Variants in CABP7 observed in about 807,000 individuals in gnomAD.
CABP7 encodes calcium-binding protein 7.
Under a neutral mutation model 23.1 loss-of-function variants are expected in CABP7, and 13 were observed. The observed-to-expected ratio is 0.56, with a 90% CI of 0.37 to 0.90. The LOEUF is 0.90. Ranked by LOEUF, CABP7 falls within the 40% of genes least tolerant of loss-of-function variation. CABP7 has a pLI of 0.01. For missense variants in CABP7, 248 were observed against 295.6 expected (o/e 0.84, Z 1.18); for synonymous variants, 123 against 115.3 (o/e 1.07, Z -0.43).
At position 29,720,088 on chromosome 22, in the gene CABP7, G is replaced by C. The variant is rs1569328704; in HGVS notation, c.-337G>C. On this transcript the variant is annotated 5_prime_UTR_variant, in exon 1 of 5. Coordinates refer to ENST00000216144, the MANE Select transcript of CABP7 (RefSeq NM_182527.3). This position sits in a 1 kb window ranked among gnomAD's most constrained non-coding sequence, Gnocchi z 5.2. ...GGCCGCGCCGGCGAGCGGACTAGCG[G>C]GCGGCGAGCAGCGCGGAGCGCGCGG... The C allele has an allele frequency of 6.7e-6, 1 of 148,654 alleles. No homozygotes were observed. Among genetic ancestry groups the C allele is most frequent in the Non-Finnish European group, 1.5e-5 (1 of 66,566 alleles). The allele number at this position is 148,654 out of a possible 1,614,324, so 9.2% of individuals were successfully genotyped here.
Position 29,731,344 on chromosome 22 carries a change from T to C in CABP7, c.*1775T>C. On this transcript the variant is annotated 3_prime_UTR_variant, in exon 5 of 5. Transcript: ENST00000216144. ...GGGTACTGGAAGACAGTGGTTCTGA[T>C]GGGTTCAGCCCTAGAGAGAGAGAGA... 1 of 1,542,066 alleles carries C rather than the reference T, an allele frequency of 6.5e-7. No individual in the cohort carries two copies. The highest frequency in any genetic ancestry group is 1.7e-4 in the Middle Eastern group (1 of 5,914).
rs527598162 is a variant in CABP7, at chr22:29,720,546, C to T, written c.109+13C>T. 9.7e-5 allele frequency: 146 copies of T among 1,508,098 alleles called. No individual in the cohort carries two copies. The South Asian group carries it at 1.6e-3, about 16-fold the overall frequency. The allele number at this position is 1,508,098 out of a possible 1,614,324, so 93.4% of individuals were successfully genotyped here. A position where few individuals can be genotyped will look rare whatever the true frequency, so the allele number is the denominator to read the frequency against. ...GACGAGCTGGAGGGTGAGTGTCCGC[C>T]GGGATCCCCGCCCCGGCGGCCCTCC... On this transcript the variant is annotated intron_variant, in intron 1 of 4. Coordinates refer to ENST00000216144, the MANE Select transcript of CABP7 (RefSeq NM_182527.3). The surrounding 1 kb of genome is among the most constrained non-coding windows in gnomAD (Gnocchi z 5.2).
chr22:29,728,661 G>A lies in CABP7; in HGVS notation c.285G>A (p.Val95=). The change falls in exon 3 of 5, where the codon GTG becomes GTA. Residue 95 remains valine (V), a synonymous_variant. Transcript: ENST00000216144. ...GTCAAGTGGACTTTGAGGAGTTTGT[G>A]ACCCTTCTGGGACCCAAACTCTCCA... The part of the protein sequence containing the change: ...GDGQVDFEEF[V]TLLGPKLSTS... 6.2e-7 allele frequency: 1 copy of A among 1,613,608 alleles called. No individual in the cohort carries two copies. Among genetic ancestry groups the A allele is most frequent in the African/African-American group, 1.3e-5 (1 of 75,000 alleles).
At chr22:29,725,544 T>C (rs1316530552) in intron 1 of CABP7, among the ~76,000 whole-genome samples, 2 of 152,058 alleles carry the variant, frequency 1.3e-5, no homozygotes, top group African/African-American at 4.8e-5. Context: ...ATGGCCCTTG[T>C]AGTGCACAAT....
At position 29,731,527 on chromosome 22, in the gene CABP7, C is replaced by T; in HGVS notation, c.*1958C>T. On this transcript the variant is annotated 3_prime_UTR_variant, in exon 5 of 5. Transcript: ENST00000216144. ...CAGACCGTTTGAGCCAGCGACCTCACCTCTAGGAACTGAGCCCAAGGAAAT... is the reference window on the plus strand; with the variant it reads ...CAGACCGTTTGAGCCAGCGACCTCATCTCTAGGAACTGAGCCCAAGGAAAT... 1 of 752,616 alleles carries T rather than the reference C, an allele frequency of 1.3e-6. No individual in the cohort carries two copies. The highest frequency in any genetic ancestry group is 2.0e-6 in the Non-Finnish European group (1 of 504,190). The allele number at this position is 752,616 out of a possible 1,614,324, so 46.6% of individuals were successfully genotyped here.
At chr22:29,729,013 C>A (rs943244475) in intron 3 of CABP7, 42 bp from the exon 4 acceptor site, 13 of 1,596,460 alleles carry the variant, frequency 8.1e-6, no homozygotes, top group Non-Finnish European at 1.1e-5. Context: ...TGGGTGGGGG[C>A]TGCGGTGGCT....
At chr22:29,728,536 C>A in intron 2 of CABP7, 94 bp from the exon 3 acceptor site, 1 of 769,700 alleles carries the variant, frequency 1.3e-6, no homozygotes, top group Non-Finnish European at 2.2e-6. Context: ...CCGGTAGGCC[C>A]AAGGTGTATC....
At chr22:29,722,470 G>T (rs190373203) in intron 1 of CABP7, among the ~76,000 whole-genome samples, 1 of 152,260 alleles carries the variant, frequency 6.6e-6, no homozygotes, top group East Asian at 1.9e-4. Context: ...CATCTGAAGG[G>T]CAGGGCCCTC....
Position 29,720,621 on chromosome 22 carries a change from C to A in CABP7, c.109+88C>A, listed in dbSNP as rs1312238807. 2 of 750,940 alleles carry A rather than the reference C, an allele frequency of 2.7e-6. No individual in the cohort carries two copies. The highest frequency in any genetic ancestry group is 2.2e-5 in the South Asian group (1 of 44,698). The allele number at this position is 750,940 out of a possible 1,614,324, so 46.5% of individuals were successfully genotyped here. On this transcript the variant is annotated intron_variant, in intron 1 of 4. Coordinates refer to ENST00000216144, the MANE Select transcript of CABP7 (RefSeq NM_182527.3). The surrounding 1 kb of genome is among the most constrained non-coding windows in gnomAD (Gnocchi z 5.2). ...GGGCCAGGGGCGCGGGGGCGGGGGGCGGGGGGCGGTCCGCAGGTGCCGGTT... is the reference window on the plus strand; with the variant it reads ...GGGCCAGGGGCGCGGGGGCGGGGGGAGGGGGGCGGTCCGCAGGTGCCGGTT...
rs948785545 is a variant in CABP7 at position 29,727,011 on chromosome 22, G to A, written c.110-651G>A. Among the ~76,000 whole-genome samples the A allele has an allele frequency of 1.3e-5, 2 of 152,146 alleles. No individual in the cohort carries two copies. The highest frequency in any genetic ancestry group is 2.4e-5 in the African/African-American group (1 of 41,430). ...TGCATTGCTCACCACCTGAGTCACC[G>A]AGGTCATCAGGCCTCGGTCTTCTGC... On this transcript the variant is annotated intron_variant, in intron 1 of 4. Transcript: ENST00000216144. The surrounding 1 kb of genome is among the most constrained non-coding windows in gnomAD (Gnocchi z 4.2).
At chr22:29,725,455 T>C (rs550469485) in intron 1 of CABP7, among the ~76,000 whole-genome samples, 21 of 152,176 alleles carry the variant, frequency 1.4e-4, no homozygotes, top group African/African-American at 5.1e-4. Flanking sequence ...ATTCAGCAAA[T>C]GTTTATGCTC....
In CABP7 at chr22:29,720,215, G is replaced by T. The variant is rs2067748922; in HGVS notation, c.-210G>T. 6.8e-6 allele frequency: 1 copy of T among 146,998 alleles called. No individual in the cohort carries two copies. The highest frequency in any genetic ancestry group is 2.1e-4 in the South Asian group (1 of 4,838). 9.1% of individuals were successfully genotyped at this position (146,998 alleles called of 1,614,324 possible). A position where few individuals can be genotyped will look rare whatever the true frequency, so the allele number is the denominator to read the frequency against. Reference sequence around the variant, plus strand: ...CGCTGCCCCTGCGGGGCCCCGGCTGGGAGCCCGACGAGGGAGCGGGCGGCA... The same window carrying T: ...CGCTGCCCCTGCGGGGCCCCGGCTGTGAGCCCGACGAGGGAGCGGGCGGCA... On this transcript the variant is annotated 5_prime_UTR_variant, in exon 1 of 5. Coordinates refer to ENST00000216144, the MANE Select transcript of CABP7 (RefSeq NM_182527.3). The surrounding 1 kb of genome is among the most constrained non-coding windows in gnomAD (Gnocchi z 5.2).
At chr22:29,724,186 G>A (rs920293260) in intron 1 of CABP7, among the ~76,000 whole-genome samples, 2 of 152,236 alleles carry the variant, frequency 1.3e-5, no homozygotes, top group African/African-American at 2.4e-5. Flanking sequence ...GGCAGAGGCC[G>A]GGCTTCAGTG....
In CABP7 at chr22:29,720,665, C is replaced by T. The variant is rs2067754432; in HGVS notation, c.109+132C>T. The T allele has an allele frequency of 2.1e-6, 1 of 485,684 alleles. No homozygotes were observed. The highest frequency in any genetic ancestry group is 3.5e-6 in the Non-Finnish European group (1 of 284,330). 30.1% of individuals were successfully genotyped at this position (485,684 alleles called of 1,614,324 possible). ...GCCGGTTGCCAGGTGGGCGCCCCAG[C>T]TAGCAGCTGTGCCCCGCGGCAAGAC... On this transcript the variant is annotated intron_variant, in intron 1 of 4. Coordinates refer to ENST00000216144, the MANE Select transcript of CABP7 (RefSeq NM_182527.3). This position sits in a 1 kb window ranked among gnomAD's most constrained non-coding sequence, Gnocchi z 5.2.
rs1434508323 is a variant in CABP7 at position 29,720,063 on chromosome 22, G to T, written c.-362G>T. ...ACAGCCTGAGCGCCGGGCCGGTAGC[G>T]GCCGCGCCGGCGAGCGGACTAGCGG... On this transcript the variant is annotated 5_prime_UTR_variant, in exon 1 of 5. Coordinates refer to ENST00000216144, the MANE Select transcript of CABP7 (RefSeq NM_182527.3). This position sits in a 1 kb window ranked among gnomAD's most constrained non-coding sequence, Gnocchi z 5.2. 1 of 149,096 alleles carries T rather than the reference G, an allele frequency of 6.7e-6. No homozygotes were observed. The highest frequency in any genetic ancestry group is 2.0e-4 in the East Asian group (1 of 5,122). 9.2% of individuals were successfully genotyped at this position (149,096 alleles called of 1,614,324 possible).
At chr22:29,722,938 G>T (rs955044659) in intron 1 of CABP7, among the ~76,000 whole-genome samples, 1 of 152,248 alleles carries the variant, frequency 6.6e-6, no homozygotes, top group African/African-American at 2.4e-5. Context: ...GAGTTAAGAT[G>T]AGGGCTTCCC....
rs1337280382 is a variant in CABP7, at chr22:29,727,916, C to T, written c.253+111C>T. ...GCATCCAAATTGGGTCTCTCGCTCC[C>T]CTGACTCCCACCCTCAAAGTCCGTG... On this transcript the variant is annotated intron_variant, in intron 2 of 4. Transcript: ENST00000216144. The surrounding 1 kb of genome is among the most constrained non-coding windows in gnomAD (Gnocchi z 4.2). 8.1e-7 allele frequency: 1 copy of T among 1,240,300 alleles called. No homozygotes were observed. The highest frequency in any genetic ancestry group is 1.1e-6 in the Non-Finnish European group (1 of 911,882). 76.8% of individuals were successfully genotyped at this position (1,240,300 alleles called of 1,614,324 possible).
chr22:29,731,237 G>A lies in CABP7; in HGVS notation c.*1668G>A, dbSNP rs368070124. On this transcript the variant is annotated 3_prime_UTR_variant, in exon 5 of 5. Transcript: ENST00000216144. ...GGGGGCAAGGGGCTCAGCCCCACTGGACTCTGGGCTGCAGAGGCCACCCCC... is the reference window on the plus strand; with the variant it reads ...GGGGGCAAGGGGCTCAGCCCCACTGAACTCTGGGCTGCAGAGGCCACCCCC... 17 of 1,505,122 alleles carry A rather than the reference G, an allele frequency of 1.1e-5. No homozygotes were observed. The highest frequency in any genetic ancestry group is 1.5e-5 in the African/African-American group (1 of 67,750). The allele number at this position is 1,505,122 out of a possible 1,614,324, so 93.2% of individuals were successfully genotyped here. A position where few individuals can be genotyped will look rare whatever the true frequency, so the allele number is the denominator to read the frequency against.
At chr22:29,726,805 A>G (rs1345726320) in intron 1 of CABP7, among the ~76,000 whole-genome samples, 1 of 152,192 alleles carries the variant, frequency 6.6e-6, no homozygotes, top group African/African-American at 2.4e-5. Flanking sequence ...ATTAAGGGAC[A>G]GCAGCCCTTA....
Sources: allele counts gnomAD v4.1 joint callset (sites outside exome capture counted in the v4.1 genomes callset), GRCh38; gene constraint gnomAD v4.1.1; non-coding constraint Gnocchi (gnomAD v3.1); transcripts MANE v1.5; gene names NCBI Gene and HGNC (gene_info 2026-07-23, HGNC 2026-07-21).